The following ELOVL2 variants were observed in gnomAD, a reference collection of about 807,000 sequenced individuals.
ELOVL2 encodes very long chain fatty acid elongase 2.
Under a neutral mutation model 37.7 loss-of-function variants are expected in ELOVL2, and 38 were observed. The observed-to-expected ratio is 1.01, with a 90% confidence interval of 0.78 to 1.32. ELOVL2 has a LOEUF of 1.32. Ranked by LOEUF, ELOVL2 falls within the 40% of genes most tolerant of loss-of-function variation. ELOVL2 has a pLI of 0.00. For missense variants in ELOVL2, 352 were observed against 363.6 expected (o/e 0.97, Z 0.26); for synonymous variants, 115 against 122.3 (o/e 0.94, Z 0.40).
chr6:11,002,117 G>T (rs915950085), intron 3 of ELOVL2, among the ~76,000 whole-genome samples: 2 of 152,106 alleles, frequency 1.3e-5, no homozygotes, highest in Non-Finnish European at 2.9e-5. Context: ...ATTACACTTA[G>T]AGTGCAAGCC....
intron 3 of ELOVL2, among the ~76,000 whole-genome samples, chr6:11,001,681 C>A (rs1029862427): frequency 2.6e-5 from 4 of 152,142 alleles, no homozygotes; most frequent in African/African-American, 9.7e-5. Context: ...TTAGATTTAT[C>A]CGGGCTGTCC....
intron 1 of ELOVL2, among the ~76,000 whole-genome samples, chr6:11,011,504 C>T (rs1429781728): frequency 6.6e-6 from 1 of 152,178 alleles, no homozygotes; most frequent in Non-Finnish European, 1.5e-5. Context: ...TAGAGAACAT[C>T]TGTTTCCACA....
At chr6:11,003,574 G>C (rs1403688655) in intron 3 of ELOVL2, among the ~76,000 whole-genome samples, 1 of 152,160 alleles carries the variant, frequency 6.6e-6, no homozygotes. Flanking sequence ...GTTTGGGTTG[G>C]TTCCAAGTCT....
In ELOVL2 at chr6:10,989,788, G is replaced by A; in HGVS notation, c.680C>T (p.Pro227Leu). The A allele has an allele frequency of 1.9e-6, 3 of 1,614,178 alleles. No individual in the cohort carries two copies. The highest frequency in any genetic ancestry group is 1.1e-5 in the South Asian group (1 of 91,086). ...ITHTMSAVVK[P>L]CGFPFGCLIF... is the part of the protein sequence containing the mutation. ...GAGACAACCGAAGGGGAAGCCACAC[G>A]GTTTCACGACGGCGCTCATGGTGTG... Residue 227 changes from proline to leucine, a missense_variant, in exon 7 of 8, where the codon CCG (proline) becomes CTG (leucine). Transcript: ENST00000354666.
At chr6:11,029,529 T>G (rs1002330215) in intron 1 of ELOVL2, among the ~76,000 whole-genome samples, 1 of 152,200 alleles carries the variant, frequency 6.6e-6, no homozygotes, top group Non-Finnish European at 1.5e-5. Flanking sequence ...CAAATCCCAA[T>G]GCAGGGGCAT....
chr6:11,029,456 T>C (rs1019229380), intron 1 of ELOVL2, among the ~76,000 whole-genome samples: 1 of 152,190 alleles, frequency 6.6e-6, no homozygotes, highest in Non-Finnish European at 1.5e-5. Context: ...AAAGCATCTA[T>C]GACAGGCCTG....
intron 1 of ELOVL2, among the ~76,000 whole-genome samples, chr6:11,043,324 C>T (rs557936566): frequency 2.8e-4 from 42 of 151,976 alleles, no homozygotes; most frequent in African/African-American, 8.9e-4. Flanking sequence ...TTGAGGATGG[C>T]ACAACAGATG....
intron 1 of ELOVL2, among the ~76,000 whole-genome samples, chr6:11,021,601 T>C (rs545861887): frequency 1.3e-5 from 2 of 152,198 alleles, no homozygotes; most frequent in East Asian, 1.9e-4. Context: ...CAGAGAGATA[T>C]TGAGGCAGCA....
chr6:11,039,605 T>G (rs1024359804), intron 1 of ELOVL2, among the ~76,000 whole-genome samples: 3 of 149,032 alleles, frequency 2.0e-5, no homozygotes, highest in Non-Finnish European at 4.4e-5. Context: ...ATCTAGCTAT[T>G]TTGAAACATA....
At chr6:11,033,337 T>C (rs975662024) in intron 1 of ELOVL2, among the ~76,000 whole-genome samples, 1 of 152,196 alleles carries the variant, frequency 6.6e-6, no homozygotes, top group Non-Finnish European at 1.5e-5. Flanking sequence ...TCCAATACAC[T>C]TAAGAGTTTC....
intron 1 of ELOVL2, among the ~76,000 whole-genome samples, chr6:11,017,964 G>A (rs768606788): frequency 7.9e-5 from 12 of 151,966 alleles, no homozygotes; most frequent in Non-Finnish European, 1.2e-4. Flanking sequence ...CATATACTTC[G>A]CATTCCTAGT....
chr6:11,000,243 C>T (rs982304957), intron 3 of ELOVL2, 79 bp from the exon 4 acceptor site: 2 of 1,314,344 alleles, frequency 1.5e-6, no homozygotes, highest in Non-Finnish European at 2.2e-6. Context: ...CCATTCATGT[C>T]TCTGGCATCT....
rs1217874913 is a variant in ELOVL2, at chr6:10,984,961, GT to G, written c.766-1056del. 5.9e-5 allele frequency among the ~76,000 whole-genome samples: 9 copies of G among 152,152 alleles called. 1 individual carries two copies. Among genetic ancestry groups the G allele is most frequent in the Admixed American group, 5.9e-4 (9 of 15,276 alleles). ...ACTGACTTCCACAAGGGTTGAACTA[GT>G]TTACAGTGTAAACACCAACAGTGTA... On this transcript the variant is annotated intron_variant, in intron 7 of 7. Coordinates refer to ENST00000354666, the MANE Select transcript of ELOVL2 (RefSeq NM_017770.4).
At chr6:11,006,641 A>G (rs1782488585) in intron 2 of ELOVL2, among the ~76,000 whole-genome samples, 1 of 152,170 alleles carries the variant, frequency 6.6e-6, no homozygotes, top group African/African-American at 2.4e-5. Flanking sequence ...CCTACAGAGT[A>G]CCATTTCTAC....
chr6:11,011,149 G>A (rs1370941149), intron 1 of ELOVL2, among the ~76,000 whole-genome samples: 3 of 152,058 alleles, frequency 2.0e-5, no homozygotes, highest in Non-Finnish European at 2.9e-5. Flanking sequence ...CGGATCACGA[G>A]GTCAGGAGAT....
At chr6:11,034,606 T>G (rs1296721999) in intron 1 of ELOVL2, among the ~76,000 whole-genome samples, 2 of 150,102 alleles carry the variant, frequency 1.3e-5, no homozygotes, top group Non-Finnish European at 3.0e-5. Flanking sequence ...TCACTCAAAC[T>G]CAGGAGGCAG....
intron 1 of ELOVL2, among the ~76,000 whole-genome samples, chr6:11,025,936 C>T (rs1782833094): frequency 6.6e-6 from 1 of 152,150 alleles, no homozygotes. Flanking sequence ...GATTTATAGT[C>T]TTTTTGCTTC....
In ELOVL2 at chr6:11,000,315, C is replaced by T. The variant is rs566381986; in HGVS notation, c.256-151G>A. 108 of 683,084 alleles carry T rather than the reference C, an allele frequency of 1.6e-4. No homozygotes were observed. The African/African-American group carries it at 1.8e-3, about 11-fold the overall frequency. The allele number at this position is 683,084 out of a possible 1,614,324, so 42.3% of individuals were successfully genotyped here. Reference sequence around the variant, plus strand: ...TTTGTCTCAATCCTATCCTCAAACACCTATTATCAGGGGACTTATTTCCTG... The same window carrying T: ...TTTGTCTCAATCCTATCCTCAAACATCTATTATCAGGGGACTTATTTCCTG... On this transcript the variant is annotated intron_variant, in intron 3 of 7. Transcript: ENST00000354666.
intron 4 of ELOVL2, among the ~76,000 whole-genome samples, chr6:10,995,813 G>A (rs1022718900): frequency 6.6e-6 from 1 of 152,178 alleles, no homozygotes; most frequent in Non-Finnish European, 1.5e-5. Flanking sequence ...GGCAGAAACT[G>A]TCACTCACAT....
Sources: gnomAD v4.1 joint callset for allele counts (sites outside exome capture counted in the v4.1 genomes callset) on GRCh38, gnomAD v4.1.1 for gene constraint, MANE v1.5 for transcripts, NCBI Gene and HGNC (gene_info 2026-07-23, HGNC 2026-07-21) for gene names.